The following MAPK6 variants were observed in gnomAD, a reference collection of about 807,000 sequenced individuals.
MAPK6 encodes mitogen-activated protein kinase 6, also known as ERK-3.
A neutral mutation model predicts 59.3 loss-of-function variants in MAPK6; 19 were observed. The observed-to-expected ratio is 0.32, with a 90% confidence interval of 0.22 to 0.47. The LOEUF (loss-of-function observed/expected upper bound fraction) is 0.47. Ranked by LOEUF, MAPK6 falls within the 20% of genes least tolerant of loss-of-function variation. The pLI, the probability that MAPK6 is intolerant of heterozygous loss-of-function variation, is 1.00. For missense variants in MAPK6, 724 were observed against 847.9 expected (o/e 0.85, Z 1.81); for synonymous variants, 316 against 290.3 (o/e 1.09, Z -0.90).
At chr15:52,027,858 T>C (rs2141865507) in intron 1 of MAPK6, 1 of 151,682 alleles carries the variant, frequency 6.6e-6, no homozygotes, top group East Asian at 1.9e-4. Context: ...CTGCAGCCTC[T>C]GCGTCCCAGA....
chr15:52,014,956 C>T (rs1489581795), upstream of MAPK6, among the ~76,000 whole-genome samples: 1 of 152,178 alleles, frequency 6.6e-6, no homozygotes, highest in Non-Finnish European at 1.5e-5. Context: ...TCACTACTCA[C>T]TAATGGATCA....
chr15:51,976,719 C>T (rs2251135), intron 1 of MAPK6, among the ~76,000 whole-genome samples: 65,221 of 151,166 alleles, frequency 0.43, 14,721 homozygotes, highest in Admixed American at 0.52. Flanking sequence ...CCGAGGCAGG[C>T]GGATCATGAA....
chr15:52,016,472 T>C (rs115802542), upstream of MAPK6, among the ~76,000 whole-genome samples: 218 of 152,144 alleles, frequency 1.4e-3, 1 homozygote, highest in African/African-American at 4.8e-3. Flanking sequence ...GCAATAAATA[T>C]AACTTGAATT....
intron 2 of MAPK6, among the ~76,000 whole-genome samples, chr15:52,003,472 A>G (rs1162344888): frequency 6.6e-6 from 1 of 152,222 alleles, no homozygotes; most frequent in Non-Finnish European, 1.5e-5. Flanking sequence ...CTCTCTGCAC[A>G]TGAGGCAAAC....
chr15:52,020,457 C>CTTT (rs561016443), intron 1 of MAPK6, among the ~76,000 whole-genome samples: 1 of 146,114 alleles, frequency 6.8e-6, no homozygotes, highest in Non-Finnish European at 1.5e-5. Flanking sequence ...TCAGTAATGA[C>CTTT]TTTTTTTTTT....
At position 52,046,917 on chromosome 15, in the gene MAPK6, C is replaced by A. The variant is rs1338642987; in HGVS notation, c.457C>A (p.Leu153Ile). The stretch of plus-strand genomic sequence containing the variant: ...CTCTGCAAATGTACTGCACAGAGAT[C>A]TCAAACCAGCTAATCTTTTCATTAA... The part of the protein sequence containing the change: ...IHSANVLHRD[L>I]KPANLFINTE... Residue 153 changes from leucine to isoleucine, a missense_variant, in exon 2 of 6, where the codon CTC becomes ATC. By Grantham distance (5) the Leu-to-Ile change is conservative (BLOSUM62 2). Coordinates refer to ENST00000261845, the MANE Select transcript of MAPK6 (RefSeq NM_002748.4). 4.3e-6 allele frequency: 7 copies of A among 1,613,806 alleles called. No individual in the cohort carries two copies. Among genetic ancestry groups the A allele is most frequent in the Non-Finnish European group, 5.9e-6 (7 of 1,179,940 alleles).
intron 2 of MAPK6, among the ~76,000 whole-genome samples, chr15:51,995,699 G>A (rs1039262921): frequency 4.6e-5 from 7 of 152,144 alleles, no homozygotes; most frequent in Non-Finnish European, 7.3e-5. Context: ...AGGCCGAGGT[G>A]AGTGGGTCAC....
At chr15:52,059,771 C>T (rs1246044008) in intron 4 of MAPK6, among the ~76,000 whole-genome samples, 1 of 152,172 alleles carries the variant, frequency 6.6e-6, no homozygotes, top group Admixed American at 6.5e-5. Flanking sequence ...CATGTGGCAG[C>T]ACTGTGCTTG....
chr15:51,993,792 T>C (rs1217557690), intron 2 of MAPK6, among the ~76,000 whole-genome samples: 1 of 151,128 alleles, frequency 6.6e-6, no homozygotes, highest in Non-Finnish European at 1.5e-5. Context: ...CTTTCTTTTC[T>C]TTTTTCTTTC....
chr15:52,012,070 T>C (rs756015756), intron 3 of MAPK6, among the ~76,000 whole-genome samples: 8 of 151,900 alleles, frequency 5.3e-5, no homozygotes, highest in Non-Finnish European at 8.8e-5. Flanking sequence ...TCAGTTCCAA[T>C]ATCCAAAACA....
At chr15:51,991,168 C>G (rs1163673833) in intron 2 of MAPK6, among the ~76,000 whole-genome samples, 1 of 146,824 alleles carries the variant, frequency 6.8e-6, no homozygotes, top group Non-Finnish European at 1.5e-5. Context: ...CACACACACA[C>G]ACACACACAC....
intron 1 of MAPK6, among the ~76,000 whole-genome samples, chr15:52,019,644 G>T (rs1420238366): frequency 6.8e-6 from 1 of 146,398 alleles, no homozygotes; most frequent in Non-Finnish European, 1.5e-5. Flanking sequence ...TCCCCGCGTG[G>T]GGCCGGCCAG....
At chr15:52,060,939 TCC>T (rs2032175373) in intron 4 of MAPK6, among the ~76,000 whole-genome samples, 1 of 152,206 alleles carries the variant, frequency 6.6e-6, no homozygotes, top group South Asian at 2.1e-4. Context: ...TAGTAGCCTA[TCC>T]AGCACTACAG....
chr15:52,004,739 T>C (rs141372657), intron 3 of MAPK6, among the ~76,000 whole-genome samples: 193 of 152,300 alleles, frequency 1.3e-3, no homozygotes, highest in African/African-American at 4.5e-3. Context: ...CTTCCAGCTT[T>C]ATTATAATCA....
intron 3 of MAPK6, among the ~76,000 whole-genome samples, chr15:52,057,697 T>G (rs1173659519): frequency 6.6e-6 from 1 of 152,142 alleles, no homozygotes; most frequent in Admixed American, 6.6e-5. Flanking sequence ...GGCATGCGCC[T>G]TGCCTGGCTA....
intron 1 of MAPK6, among the ~76,000 whole-genome samples, chr15:52,041,363 A>G (rs1196592944): frequency 6.6e-6 from 1 of 151,780 alleles, no homozygotes; most frequent in African/African-American, 2.4e-5. Flanking sequence ...CGCCCAGCTA[A>G]TTTTGTATTT....
In MAPK6 at chr15:52,061,927, C is replaced by A. The variant is rs578150683; in HGVS notation, c.1067+427C>A. Among the ~76,000 whole-genome samples the A allele has an allele frequency of 4.6e-5, 7 of 151,878 alleles. No homozygotes were observed. The East Asian group carries it at 7.7e-4, about 17-fold the overall frequency. On this transcript the variant is annotated intron_variant, in intron 5 of 5. Transcript: ENST00000261845. ...AGTCATTAAGGCATATTTATAAAGT[C>A]CTTTAACTGTGATTTTATGAATGTC...
intron 1 of MAPK6, among the ~76,000 whole-genome samples, chr15:52,038,672 C>T (rs919250657): frequency 6.6e-6 from 1 of 152,106 alleles, no homozygotes; most frequent in Admixed American, 6.6e-5. Context: ...GCACATGTCT[C>T]CTGTCCTATA....
chr15:52,008,386 C>T (rs922744090), intron 3 of MAPK6, among the ~76,000 whole-genome samples: 6 of 152,134 alleles, frequency 3.9e-5, no homozygotes, highest in African/African-American at 1.4e-4. Context: ...CTTCTCAGAA[C>T]TATCAGGACC....
Sources: allele counts gnomAD v4.1 joint callset (sites outside exome capture counted in the v4.1 genomes callset), GRCh38; gene constraint gnomAD v4.1.1; transcripts MANE v1.5; gene names NCBI Gene and HGNC (gene_info 2026-07-23, HGNC 2026-07-21).